Variants in HRNR observed in about 807,000 individuals in gnomAD.
HRNR encodes the protein filaggrin family member 3.
Under a neutral mutation model 4.8 loss-of-function variants are expected in HRNR, and 7 were observed. The ratio of observed to expected loss-of-function variants is 1.47; its 90% CI spans 0.83 to 2.75. The LOEUF is 2.75. HRNR is among the 30% of genes most tolerant of loss of function. The pLI, the probability that HRNR is intolerant of heterozygous loss-of-function variation, is 0.00. For missense variants in HRNR, 2,879 were observed against 3,010.4 expected, an observed-to-expected ratio of 0.96 and a Z score of 1.02; for synonymous variants, 1,023 against 1,242.7, an observed-to-expected ratio of 0.82 and a Z score of 3.72.
rs1283117804 is a variant in HRNR, at chr1:152,213,229, C to G, written c.8400G>C (p.Gln2800His). ...SGSGQSSGYS[Q>H]HGSGSGQDGY... is the part of the protein sequence containing the mutation. ...CATCTTGCCCTGAGCCACTTCCATGCTGACTATAACCAGAGGACTGTCCTG... is the reference window on the plus strand; with the variant it reads ...CATCTTGCCCTGAGCCACTTCCATGGTGACTATAACCAGAGGACTGTCCTG... Residue 2800 changes from glutamine to histidine, a missense_variant, in exon 3 of 3, where the codon CAG becomes CAC. Coordinates refer to ENST00000368801, the MANE Select transcript of HRNR (RefSeq NM_001009931.3). 1 of 1,614,034 alleles carries G rather than the reference C, an allele frequency of 6.2e-7. No individual in the cohort carries two copies. The highest frequency in any genetic ancestry group is 8.5e-7 in the Non-Finnish European group (1 of 1,180,000).
chr1:152,217,861 G>C lies in HRNR; in HGVS notation c.3768C>G (p.Ser1256=). The stretch of plus-strand genomic sequence containing the variant: ...AGCCAGACCCATGTTGGCCGTGGCT[G>C]GAGGAGTGCCCCAAACCGGACCCAT... The part of the protein sequence containing the change: ...GRHGSGLGHS[S]SHGQHGSGSG... Residue 1256 remains serine (S), a synonymous_variant, in exon 3 of 3, where the codon TCC becomes TCG. Coordinates refer to ENST00000368801, the MANE Select transcript of HRNR (RefSeq NM_001009931.3). 1 of 243,208 alleles carries C rather than the reference G, an allele frequency of 4.1e-6. No homozygotes were observed. The highest frequency in any genetic ancestry group is 8.2e-6 in the Non-Finnish European group (1 of 121,262). The allele number at this position is 243,208 out of a possible 1,614,324, so 15.1% of individuals were successfully genotyped here. A position where few individuals can be genotyped will look rare whatever the true frequency, so the allele number is the denominator to read the frequency against.
In HRNR at chr1:152,212,796, A is replaced by T; in HGVS notation, c.*280T>A. The T allele has an allele frequency of 2.1e-6, 1 of 487,116 alleles. No homozygotes were observed. Among genetic ancestry groups the T allele is most frequent in the Non-Finnish European group, 3.6e-6 (1 of 278,346 alleles). The allele number at this position is 487,116 out of a possible 1,614,324, so 30.2% of individuals were successfully genotyped here. A position where few individuals can be genotyped will look rare whatever the true frequency, so the allele number is the denominator to read the frequency against. On this transcript the variant is annotated 3_prime_UTR_variant, in exon 3 of 3. Transcript: ENST00000368801. Reference sequence around the variant, plus strand: ...ACTCCAACTAAACCCAAAGCTCTTTAAAAGCTTTTCATTATTCCTCAAAGT... The same window carrying T: ...ACTCCAACTAAACCCAAAGCTCTTTTAAAGCTTTTCATTATTCCTCAAAGT...
At position 152,218,546 on chromosome 1, in the gene HRNR, C is replaced by T. The variant is rs139825906; in HGVS notation, c.3083G>A (p.Arg1028Lys). 5.2e-4 allele frequency: 840 copies of T among 1,613,894 alleles called. 7 individuals carry two copies. Among genetic ancestry groups the T allele is most frequent in the South Asian group, 3.2e-3 (292 of 91,046 alleles). The change falls in exon 3 of 3, where the codon AGG becomes AAG. Residue 1028 changes from arginine to lysine, a missense_variant. By Grantham distance (26) the Arg-to-Lys change is conservative. Around this residue, in one of 8 missense-constraint regions of HRNR, gnomAD observed 2,646 missense variants for 1,377.7 expected, o/e 1.92. Transcript: ENST00000368801. ...GCTTGAAGACCACCCTGAGCCAGAC[C>T]TATATGGGCCATAGCTGGAAGACTG... ...SGQSSSYGPYRSGSGWSSSRG... is the reference protein window; with the variant it reads ...SGQSSSYGPYKSGSGWSSSRG...
chr1:152,221,399 A>T lies in HRNR; in HGVS notation c.230T>A (p.Met77Lys). 5.6e-6 allele frequency: 9 copies of T among 1,613,460 alleles called. No individual in the cohort carries two copies. Among genetic ancestry groups the T allele is most frequent in the Non-Finnish European group, 7.6e-6 (9 of 1,179,560 alleles). The stretch of plus-strand genomic sequence containing the variant: ...ACGAGCCTGAACCAGCTTGAATATC[A>T]TCAGAAGATACTCAGTAAAATCCAC... ...KKVDFTEYLL[M>K]IFKLVQARNK... Residue 77 changes from methionine to lysine, a missense_variant, in exon 3 of 3, where the codon ATG (methionine) becomes AAG (lysine). By Grantham distance (95) the Met-to-Lys change is moderately conservative (BLOSUM62 -1). Transcript: ENST00000368801.
At position 152,223,224 on chromosome 1, in the gene HRNR, A is replaced by G; in HGVS notation, c.30T>C (p.Thr10=). 1 of 1,611,020 alleles carries G rather than the reference A, an allele frequency of 6.2e-7. No homozygotes were observed. The highest frequency in any genetic ancestry group is 1.3e-5 in the African/African-American group (1 of 74,244). The change falls in exon 2 of 3, where the codon ACT becomes ACC. Residue 10 remains threonine (T), a synonymous_variant. Transcript: ENST00000368801. ...CATATTGGTAGAAAACATCGATGAC[A>G]GTGATGACGCCTTGTAGGAGTTTAG... MPKLLQGVI[T]VIDVFYQYAT... is the part of the protein sequence containing the mutation.
Position 152,220,675 on chromosome 1 carries a change from G to C in HRNR, c.954C>G (p.His318Gln), listed in dbSNP as rs1557846129. 8 of 1,611,610 alleles carry C rather than the reference G, an allele frequency of 5.0e-6. No homozygotes were observed. Among genetic ancestry groups the C allele is most frequent in the Non-Finnish European group, 6.8e-6 (8 of 1,178,602 alleles). The change falls in exon 3 of 3, where the codon CAC becomes CAG. Residue 318 changes from histidine (H) to glutamine (Q), a missense_variant. By Grantham distance (24) the His-to-Gln change is conservative (BLOSUM62 0). Around this residue, in one of 8 missense-constraint regions of HRNR, gnomAD observed 2,646 missense variants for 1,377.7 expected, o/e 1.92. Transcript: ENST00000368801. ...ACCCGTGTTGGCCGTGGCTGGAGGA[G>C]TGCCCCGAACCGGACCCATGTCGGA... is the stretch of plus-strand genomic sequence containing the variant. ...SHVRHGSGSG[H>Q]SSSHGQHGSG...
In HRNR at chr1:152,219,287, T is replaced by C; in HGVS notation, c.2342A>G (p.His781Arg). The C allele has an allele frequency of 1.2e-6, 2 of 1,611,456 alleles. No homozygotes were observed. The highest frequency in any genetic ancestry group is 1.7e-6 in the Non-Finnish European group (2 of 1,179,474). ...GGAGGAGTGCCCTGAACTGGACCCA[T>C]GTCGGACACGGCTAGGAGAGTGGCC... is the stretch of plus-strand genomic sequence containing the variant. ...GSGHSPSRVR[H>R]GSSSGHSSSH... The change falls in exon 3 of 3, where the codon CAT (histidine) becomes CGT (arginine). Residue 781 changes from histidine to arginine, a missense_variant. This residue lies in a region of HRNR where 2,646 missense variants were observed against 1,377.7 expected (regional missense o/e 1.92). Transcript: ENST00000368801.
chr1:152,223,415 C>T (rs961273614), intron 1 of HRNR, 137 bp from the exon 2 acceptor site: 2 of 597,948 alleles, frequency 3.3e-6, no homozygotes, highest in Admixed American at 3.4e-5. Context: ...TAATCAAGAA[C>T]CAATTCAGAG....
At chr1:152,221,550 C>T (rs1213399199) in intron 2 of HRNR, 60 bp from the exon 3 acceptor site, 27 of 1,259,670 alleles carry the variant, frequency 2.1e-5, no homozygotes, top group East Asian at 4.6e-5. Flanking sequence ...ATCTGGCTAA[C>T]GAACTGAAGG....
In HRNR at chr1:152,221,276, T is replaced by G. The variant is rs1337350475; in HGVS notation, c.353A>C (p.Glu118Ala). The G allele has an allele frequency of 3.7e-6, 6 of 1,614,056 alleles. No individual in the cohort carries two copies. The highest frequency in any genetic ancestry group is 3.3e-5 in the Admixed American group (2 of 60,026). Residue 118 changes from glutamate (E) to alanine (A), a missense_variant, in exon 3 of 3, where the codon GAG becomes GCG. By Grantham distance (107) the Glu-to-Ala change is moderately radical (BLOSUM62 -1). This residue lies in a region of HRNR where 2,646 missense variants were observed against 1,377.7 expected (regional missense o/e 1.92). Transcript: ENST00000368801. ...HQEEQEETEK[E>A]ENKRQESSFS... is the part of the protein sequence containing the mutation. Reference sequence around the variant, plus strand: ...AGAGGATTCTTGCCGTTTGTTCTCCTCTTTTTCAGTTTCTTCTTGTTCCTC... The same window carrying G: ...AGAGGATTCTTGCCGTTTGTTCTCCGCTTTTTCAGTTTCTTCTTGTTCCTC...
In HRNR at chr1:152,220,320, G is replaced by A; in HGVS notation, c.1309C>T (p.Pro437Ser). 2 of 1,613,448 alleles carry A rather than the reference G, an allele frequency of 1.2e-6. No individual in the cohort carries two copies. Among genetic ancestry groups the A allele is most frequent in the South Asian group, 1.1e-5 (1 of 91,054 alleles). The change falls in exon 3 of 3, where the codon CCC becomes TCC. Residue 437 changes from proline (P) to serine (S), a missense_variant. Around this residue, in one of 8 missense-constraint regions of HRNR, gnomAD observed 2,646 missense variants for 1,377.7 expected, o/e 1.92. Transcript: ENST00000368801. ...GQRGSGSGQSPSSGQHGTGFG... is the reference protein window; with the variant it reads ...GQRGSGSGQSSSSGQHGTGFG... ...CCAGTCCCATGTTGGCCGGAGCTGG[G>A]AGACTGCCCTGACCCAGACCCACGC...
Position 152,223,236 on chromosome 1 carries a change from T to C in HRNR, c.18A>G (p.Gln6=). Reference sequence around the variant, plus strand: ...AAACATCGATGACAGTGATGACGCCTTGTAGGAGTTTAGGCATTTTTTTTT... The same window carrying C: ...AAACATCGATGACAGTGATGACGCCCTGTAGGAGTTTAGGCATTTTTTTTT... MPKLL[Q]GVITVIDVFY... is the part of the protein sequence containing the mutation. Residue 6 remains glutamine (Q), a synonymous_variant, in exon 2 of 3, where the codon CAA becomes CAG. Coordinates refer to ENST00000368801, the MANE Select transcript of HRNR (RefSeq NM_001009931.3). 2 of 1,565,136 alleles carry C rather than the reference T, an allele frequency of 1.3e-6. No homozygotes were observed. The highest frequency in any genetic ancestry group is 2.3e-5 in the South Asian group (2 of 87,944).
rs139176319 is a variant in HRNR, at chr1:152,220,795, A to G, written c.834T>C (p.Gly278=). 6.3e-4 allele frequency: 1,023 copies of G among 1,613,932 alleles called. 24 individuals are homozygous for G. The East Asian group carries it at 0.022, about 35-fold the overall frequency. Residue 278 remains glycine (G), a synonymous_variant, in exon 3 of 3, where the codon GGT becomes GGC. Transcript: ENST00000368801. ...CATGCTGACCATAGCTGGAAGACGA[A>G]CCTGAGCTAGATCTGTGTCGTTCAC... ...SRGERHRSSS[G]SSSSYGQHGS... is the part of the protein sequence containing the mutation.
At chr1:152,223,997 CAGTAAATTTA>C (rs1209656020) in intron 1 of HRNR, 136 bp downstream of exon 1, 1 of 152,060 alleles carries the variant, frequency 6.6e-6, no homozygotes, top group Non-Finnish European at 1.5e-5. Context: ...TTTTTCTTTT[CAGTAAATTTA>C]AACTTATACC....
In HRNR at chr1:152,218,746, G is replaced by T. The variant is rs1373178990; in HGVS notation, c.2883C>A (p.Gly961=). 4.3e-6 allele frequency: 7 copies of T among 1,613,776 alleles called. No homozygotes were observed. Among genetic ancestry groups the T allele is most frequent in the Non-Finnish European group, 5.9e-6 (7 of 1,179,974 alleles). ...TCCTAGATGACTGTCCTGACCTAGA[G>T]CCGTGTTGTTCGTAGCTGGAGGAGT... ...SGHSSSYEQH[G]SRSGQSSRSE... Residue 961 remains glycine (G), a synonymous_variant, in exon 3 of 3, where the codon GGC becomes GGA. Transcript: ENST00000368801.
chr1:152,215,384 C>A lies in HRNR; in HGVS notation c.6245G>T (p.Gly2082Val). 1 of 1,592,966 alleles carries A rather than the reference C, an allele frequency of 6.3e-7. No individual in the cohort carries two copies. The stretch of plus-strand genomic sequence containing the variant: ...CCGACCGGAGCCAGACCCATGTCGG[C>A]CATAGCTGGGAGACTGCCTTGACCC... ...GSGSRQSPSY[G>V]RHGSGSGRSS... The change falls in exon 3 of 3, where the codon GGC becomes GTC. Residue 2082 changes from glycine to valine, a missense_variant. Physicochemically the swap from Gly to Val is moderately radical, Grantham distance 109 (BLOSUM62 -3). Around this residue, in one of 8 missense-constraint regions of HRNR, gnomAD observed 11 missense variants for 47.5 expected, o/e 0.23. Coordinates refer to ENST00000368801, the MANE Select transcript of HRNR (RefSeq NM_001009931.3).
chr1:152,221,540 A>T, intron 2 of HRNR, 50 bp from the exon 3 acceptor site: 1 of 1,365,670 alleles, frequency 7.3e-7, no homozygotes, highest in Non-Finnish European at 1.0e-6. Context: ...TGGACAATAC[A>T]TCTGGCTAAC....
In HRNR at chr1:152,219,948, G is replaced by T. The variant is rs769938421; in HGVS notation, c.1681C>A (p.His561Asn). Residue 561 changes from histidine to asparagine, a missense_variant, in exon 3 of 3, where the codon CAT becomes AAT. Physicochemically the swap from His to Asn is moderately conservative, Grantham distance 68. Around this residue, in one of 8 missense-constraint regions of HRNR, gnomAD observed 2,646 missense variants for 1,377.7 expected, o/e 1.92. Transcript: ENST00000368801. Reference sequence around the variant, plus strand: ...GAAGACCTCCCTGAGCCATACCCATGTGGGCCATAGCTGGAAGACTGCCTG... The same window carrying T: ...GAAGACCTCCCTGAGCCATACCCATTTGGGCCATAGCTGGAAGACTGCCTG... ...GSRQSSSYGPHGYGSGRSSSR... is the reference protein window; with the variant it reads ...GSRQSSSYGPNGYGSGRSSSR... The T allele has an allele frequency of 2.5e-6, 4 of 1,613,090 alleles. No homozygotes were observed. Among genetic ancestry groups the T allele is most frequent in the South Asian group, 1.1e-5 (1 of 91,014 alleles).
Position 152,221,385 on chromosome 1 carries a change from C to T in HRNR, c.244G>A (p.Val82Ile). The stretch of plus-strand genomic sequence containing the variant: ...CCAATGATTTTATTACGAGCCTGAA[C>T]CAGCTTGAATATCATCAGAAGATAC... ...TEYLLMIFKL[V>I]QARNKIIGKD... Residue 82 changes from valine to isoleucine, a missense_variant, in exon 3 of 3, where the codon GTT becomes ATT. Physicochemically the swap from Val to Ile is conservative, Grantham distance 29. Transcript: ENST00000368801. 1.2e-6 allele frequency: 2 copies of T among 1,613,896 alleles called. No homozygotes were observed. The highest frequency in any genetic ancestry group is 1.7e-6 in the Non-Finnish European group (2 of 1,179,980).
Sources: gnomAD v4.1 joint callset for allele counts on GRCh38, gnomAD v4.1.1 for gene constraint, gnomAD v4.1.1 regional missense constraint, MANE v1.5 for transcripts, NCBI Gene and HGNC (gene_info 2026-07-23, HGNC 2026-07-21) for gene names.